The following SOX5 variants were observed in gnomAD, a reference collection of about 807,000 sequenced individuals.
The protein encoded by SOX5 is transcription factor SOX-5.
SOX5 carries 9 observed loss-of-function variants against 92.0 expected under a neutral mutation model. The ratio of observed to expected loss-of-function variants is 0.10; its 90% CI spans 0.06 to 0.17. The LOEUF is 0.17. Ranked by LOEUF, SOX5 falls within the 10% of genes least tolerant of loss-of-function variation. SOX5 has a pLI of 1.00. For missense variants in SOX5, 642 were observed against 944.5 expected, an observed-to-expected ratio of 0.68 and a Z score of 4.20; for synonymous variants, 344 against 336.3, an observed-to-expected ratio of 1.02 and a Z score of -0.25.
At chr12:23,952,999 G>C (rs540995642), upstream of SOX5, among the ~76,000 whole-genome samples, 1 of 152,200 alleles carries the variant, frequency 6.6e-6, no homozygotes, top group Non-Finnish European at 1.5e-5. Flanking sequence ...TAAGTGACCT[G>C]AAAGGCTTTC....
rs560112728 is a variant in SOX5, at chr12:23,997,987, C to A, written c.-1-101963G>T. Among the ~76,000 whole-genome samples the A allele has an allele frequency of 3.9e-4, 60 of 152,058 alleles. 1 individual carries two copies. The South Asian group carries it at 0.012, about 32-fold the overall frequency. On this transcript the variant is annotated intron_variant, in intron 4 of 4. Transcript: ENST00000446891. ...GGGGTGCAAGGTGAAGAGGTCAGAA[C>A]CCAGCATTGCTGTATTATCAAATTG... is the stretch of plus-strand genomic sequence containing the variant.
At chr12:23,637,760 T>G (rs2079463746) in intron 8 of SOX5, among the ~76,000 whole-genome samples, 1 of 152,180 alleles carries the variant, frequency 6.6e-6, no homozygotes. Context: ...ATCCTTAGTG[T>G]GGTGAGAAAG....
At chr12:23,923,563 CATTAA>C (rs1490037327) in intron 1 of SOX5, among the ~76,000 whole-genome samples, 2 of 152,102 alleles carry the variant, frequency 1.3e-5, no homozygotes, top group Non-Finnish European at 2.9e-5. Context: ...TATCACATGT[CATTAA>C]ATTAAGAAGT....
intron 1 of SOX5, among the ~76,000 whole-genome samples, chr12:24,478,617 T>C (rs1358755695): frequency 1.3e-5 from 2 of 152,240 alleles, no homozygotes; most frequent in African/African-American, 4.8e-5. Flanking sequence ...GTTTCTGTTA[T>C]GGTGCTACAG....
At chr12:23,738,778 G>A (rs143402934) in intron 5 of SOX5, among the ~76,000 whole-genome samples, 206 of 152,228 alleles carry the variant, frequency 1.4e-3, no homozygotes, top group African/African-American at 4.7e-3. Context: ...GAAGCTCCTA[G>A]GATTCTCCAG....
chr12:23,591,140 A>T (rs1951485321), intron 9 of SOX5, among the ~76,000 whole-genome samples: 1 of 152,034 alleles, frequency 6.6e-6, no homozygotes, highest in African/African-American at 2.4e-5. Flanking sequence ...TCAAAAGTTC[A>T]CCTTAACAAT....
At chr12:23,802,542 C>T (rs1461687205) in intron 3 of SOX5, among the ~76,000 whole-genome samples, 1 of 151,910 alleles carries the variant, frequency 6.6e-6, no homozygotes, top group African/African-American at 2.4e-5. Flanking sequence ...AAATTTGACA[C>T]ATTTCTAAAC....
At chr12:24,084,228 A>C (rs1943698829) in intron 4 of SOX5, among the ~76,000 whole-genome samples, 2 of 152,106 alleles carry the variant, frequency 1.3e-5, no homozygotes, top group Admixed American at 1.3e-4. Flanking sequence ...TGGAGAAAGA[A>C]GAGCAGTCCA....
At chr12:23,977,630 T>C (rs1949061155) in intron 4 of SOX5, among the ~76,000 whole-genome samples, 1 of 142,390 alleles carries the variant, frequency 7.0e-6, no homozygotes, top group Non-Finnish European at 1.5e-5. Flanking sequence ...ACCACTGCAC[T>C]CCAGCCGCCT....
At chr12:24,067,559 G>A (rs1940960017) in intron 4 of SOX5, among the ~76,000 whole-genome samples, 1 of 152,012 alleles carries the variant, frequency 6.6e-6, no homozygotes, top group Non-Finnish European at 1.5e-5. Flanking sequence ...AACTCTTAAA[G>A]CAAAACGAGA....
chr12:24,421,168 A>G (rs915516995), intron 1 of SOX5, among the ~76,000 whole-genome samples: 1 of 152,194 alleles, frequency 6.6e-6, no homozygotes, highest in Admixed American at 6.5e-5. Context: ...GAAAGAGGTG[A>G]GTCTGTGATT....
At chr12:24,384,065 C>T (rs1043736677) in intron 1 of SOX5, among the ~76,000 whole-genome samples, 5 of 152,160 alleles carry the variant, frequency 3.3e-5, no homozygotes, top group African/African-American at 1.2e-4. Flanking sequence ...GTGCCTCTTC[C>T]TCTACCGCCA....
chr12:24,295,570 G>A (rs1026744189), intron 2 of SOX5, among the ~76,000 whole-genome samples: 2 of 152,108 alleles, frequency 1.3e-5, no homozygotes, highest in Non-Finnish European at 2.9e-5. Context: ...CTTGGTTTTT[G>A]TTTGTTTGTT....
chr12:23,648,148 T>C (rs78600403), intron 7 of SOX5, among the ~76,000 whole-genome samples: 1,738 of 152,214 alleles, frequency 0.011, 34 homozygotes, highest in African/African-American at 0.04. Context: ...CACCATAACA[T>C]ATAATAATAA....
intron 8 of SOX5, 136 bp from the exon 9 acceptor site, chr12:23,604,669 A>G: frequency 5.2e-6 from 4 of 767,836 alleles, no homozygotes; most frequent in Non-Finnish European, 6.1e-6. Flanking sequence ...ATATTTAAAG[A>G]AAGAAGCTGT....
chr12:24,283,651 G>A (rs1188535451), intron 2 of SOX5, among the ~76,000 whole-genome samples: 3 of 152,174 alleles, frequency 2.0e-5, no homozygotes, highest in African/African-American at 4.8e-5. Flanking sequence ...ATTCCAACAC[G>A]ATAGCGATAT....
intron 7 of SOX5, among the ~76,000 whole-genome samples, chr12:23,664,868 T>C (rs1593084114): frequency 6.6e-6 from 1 of 152,174 alleles, no homozygotes; most frequent in East Asian, 1.9e-4. Context: ...AAAGAAAATA[T>C]ACAGAATCCA....
chr12:23,924,812 A>AT (rs1171294979), intron 1 of SOX5, among the ~76,000 whole-genome samples: 1 of 151,862 alleles, frequency 6.6e-6, no homozygotes, highest in African/African-American at 2.4e-5. Flanking sequence ...CAAGGTCAGT[A>AT]TTTTTAACTG....
chr12:23,552,420 G>A (rs1414746786), intron 11 of SOX5, among the ~76,000 whole-genome samples: 1 of 151,588 alleles, frequency 6.6e-6, no homozygotes, highest in African/African-American at 2.4e-5. Flanking sequence ...GTTTAACTCA[G>A]TTTTTGAGCA....
Sources: allele counts gnomAD v4.1 joint callset (sites outside exome capture counted in the v4.1 genomes callset), GRCh38; gene constraint gnomAD v4.1.1; transcripts MANE v1.5; gene names NCBI Gene and HGNC (gene_info 2026-07-23, HGNC 2026-07-21).